Variants in TRIM16 observed in about 807,000 individuals in gnomAD.
TRIM16 encodes tripartite motif containing 16.
TRIM16 carries 33 observed loss-of-function variants against 50.4 expected under a neutral mutation model. The ratio of observed to expected loss-of-function variants is 0.65; its 90% confidence interval spans 0.50 to 0.88. The LOEUF (loss-of-function observed/expected upper bound fraction) is 0.88, where lower values mean the gene tolerates loss of function less well. Among genes scored for constraint, TRIM16 ranks in the 40% least tolerant of loss-of-function variants. The probability of loss-of-function intolerance (pLI) is 0.00; values close to 1 mark genes in which losing one functional copy is unlikely to be tolerated. For synonymous variants in TRIM16, 229 were observed against 270.7 expected (o/e 0.85, Z 1.51); for missense variants, 581 against 686.8 (o/e 0.85, Z 1.72).
At chr17:15,652,099 T>C (rs1332709810) in intron 6 of TRIM16, 153 bp from the exon 7 acceptor site, 2 of 365,318 alleles carry the variant, frequency 5.5e-6, no homozygotes, top group South Asian at 8.9e-5. Flanking sequence ...TCCCATCTCA[T>C]AGAACTGGAC....
intron 6 of TRIM16, 160 bp from the exon 7 acceptor site, chr17:15,652,106 G>T: frequency 6.4e-6 from 2 of 311,360 alleles, no homozygotes; most frequent in Non-Finnish European, 9.5e-6. Context: ...TCATAGAACT[G>T]GACATGAGGC....
rs1294631428 is a variant in TRIM16, at chr17:15,677,176, G to A, written c.-338C>T. The A allele has an allele frequency of 1.6e-5, 16 of 985,058 alleles. No individual in the cohort carries two copies. The highest frequency in any genetic ancestry group is 1.8e-5 in the African/African-American group (1 of 57,086). 61.0% of individuals were successfully genotyped at this position (985,058 alleles called of 1,614,324 possible). A position where few individuals can be genotyped will look rare whatever the true frequency, so the allele number is the denominator to read the frequency against. ...TGCAATCTGCCTTGTTCTCACTTACGTGTACCGCTGCTTCTTGGCACCTCT... is the reference window on the plus strand; with the variant it reads ...TGCAATCTGCCTTGTTCTCACTTACATGTACCGCTGCTTCTTGGCACCTCT... On this transcript the variant is annotated splice_region_variant and 5_prime_UTR_variant, in exon 6 of 12. The change creates a premature stop within an existing upstream ORF in the 5' untranslated region. Transcript: ENST00000649191.
chr17:15,664,829 C>T (rs1173306149), intron 6 of TRIM16, among the ~76,000 whole-genome samples: 4 of 151,694 alleles, frequency 2.6e-5, no homozygotes, highest in Non-Finnish European at 5.9e-5. Flanking sequence ...GAGATCAGTT[C>T]GAGATCAGCC....
intron 6 of TRIM16, among the ~76,000 whole-genome samples, chr17:15,676,550 C>A (rs558594655): frequency 6.6e-6 from 1 of 151,772 alleles, no homozygotes; most frequent in Admixed American, 6.6e-5. Flanking sequence ...ATTCTCCTGC[C>A]TCAACCTCCC....
In TRIM16 at chr17:15,665,550, T is replaced by C. The variant is rs566561738; in HGVS notation, c.-338+11626A>G. On this transcript the variant is annotated intron_variant, in intron 6 of 11. Transcript: ENST00000649191. ...AAAAAAATAAAGAAAGAAAACAACA[T>C]AATGTATCGGGAAACCAGATAATGA... 1.2e-3 allele frequency among the ~76,000 whole-genome samples: 177 copies of C among 151,570 alleles called. 1 individual carries two copies. Among genetic ancestry groups the C allele is most frequent in the East Asian group, 4.5e-3 (23 of 5,164 alleles).
intron 11 of TRIM16, among the ~76,000 whole-genome samples, chr17:15,630,870 T>C (rs1324381586): frequency 1.3e-5 from 2 of 151,148 alleles, no homozygotes; most frequent in African/African-American, 4.9e-5. Context: ...TATGTAAACA[T>C]ACAAAATATG....
At chr17:15,679,649 C>T (rs1255660648) in intron 4 of TRIM16, among the ~76,000 whole-genome samples, 1 of 152,088 alleles carries the variant, frequency 6.6e-6, no homozygotes, top group Admixed American at 6.5e-5. Context: ...AAGAAATAGG[C>T]CAAGCTGGCC....
Position 15,680,874 on chromosome 17 carries a change from T to G in TRIM16, c.-599A>C. On this transcript the variant is annotated 5_prime_UTR_variant, in exon 4 of 12. Transcript: ENST00000649191. ...AAAATCCCCAACTCACCTGGGACTCTGCTGTCCGGCAAAGAGCAGCCATAT... is the reference window on the plus strand; with the variant it reads ...AAAATCCCCAACTCACCTGGGACTCGGCTGTCCGGCAAAGAGCAGCCATAT... 1 of 1,545,730 alleles carries G rather than the reference T, an allele frequency of 6.5e-7. No homozygotes were observed. Among genetic ancestry groups the G allele is most frequent in the South Asian group, 1.2e-5 (1 of 82,518 alleles).
rs373588704 is a variant in TRIM16 at position 15,628,578 on chromosome 17, T to C, written c.*37A>G. On this transcript the variant is annotated 3_prime_UTR_variant, in exon 12 of 12. Transcript: ENST00000649191. ...CACCCTAAAATGCAAATCCCATCAC[T>C]GTAGCTGGCAAAGGTCTGGGATATG... The C allele has an allele frequency of 2.3e-4, 352 of 1,535,088 alleles. 2 individuals carry two copies. The African/African-American group carries it at 4.4e-3, about 19-fold the overall frequency.
At position 15,677,693 on chromosome 17, in the gene TRIM16, A is replaced by G. The variant is rs751716205; in HGVS notation, c.-561T>C. 23 of 1,011,534 alleles carry G rather than the reference A, an allele frequency of 2.3e-5. No homozygotes were observed. The highest frequency in any genetic ancestry group is 2.6e-5 in the Non-Finnish European group (22 of 842,896). The allele number at this position is 1,011,534 out of a possible 1,614,324, so 62.7% of individuals were successfully genotyped here. ...GTTCACAGCCACATCCTTGAATGAC[A>G]TAAAGCCCTGAAACACCTGCATGGG... On this transcript the variant is annotated 5_prime_UTR_variant, in exon 5 of 12. The change abolishes an upstream ATG in the 5' untranslated region. Coordinates refer to ENST00000649191, the MANE Select transcript of TRIM16 (RefSeq NM_001348119.1).
At chr17:15,678,099 G>A (rs141297866) in intron 4 of TRIM16, among the ~76,000 whole-genome samples, 2,096 of 151,972 alleles carry the variant, frequency 0.014, 50 homozygotes, top group African/African-American at 0.049. Flanking sequence ...GGCGCCTGTA[G>A]TCCCAGCTAT....
chr17:15,659,263 T>G (rs1304772893), intron 6 of TRIM16, among the ~76,000 whole-genome samples: 3 of 152,116 alleles, frequency 2.0e-5, no homozygotes, highest in Admixed American at 2.0e-4. Flanking sequence ...TCTCCGAAGG[T>G]CTAGTCCTGG....
At position 15,651,929 on chromosome 17, in the gene TRIM16, C is replaced by T. The variant is rs965830275; in HGVS notation, c.-320G>A. The T allele has an allele frequency of 8.6e-6, 11 of 1,275,360 alleles. No homozygotes were observed. Among genetic ancestry groups the T allele is most frequent in the East Asian group, 4.0e-5 (1 of 25,194 alleles). The allele number at this position is 1,275,360 out of a possible 1,614,324, so 79.0% of individuals were successfully genotyped here. On this transcript the variant is annotated 5_prime_UTR_variant, in exon 7 of 12. It adds an upstream start codon to the 5' untranslated region. Transcript: ENST00000649191. Reference sequence around the variant, plus strand: ...ACCCCATAGGCTCTGCTGAAGACCACGTGTCTCTGTGCCTGCTCTGGAAAG... The same window carrying T: ...ACCCCATAGGCTCTGCTGAAGACCATGTGTCTCTGTGCCTGCTCTGGAAAG...
intron 7 of TRIM16, among the ~76,000 whole-genome samples, chr17:15,648,151 G>A (rs1438966289): frequency 2.0e-5 from 3 of 151,694 alleles, no homozygotes; most frequent in African/African-American, 4.8e-5. Context: ...GCATGAACCC[G>A]GGAGGCAGAG....
At chr17:15,660,408 T>G (rs1422375929) in intron 6 of TRIM16, among the ~76,000 whole-genome samples, 3 of 152,142 alleles carry the variant, frequency 2.0e-5, no homozygotes, top group Non-Finnish European at 2.9e-5. Flanking sequence ...CCTAGGACAC[T>G]CATTTGCTCA....
Position 15,655,247 on chromosome 17 carries a change from T to A in TRIM16, c.-337-3301A>T, listed in dbSNP as rs1987919084. Among the ~76,000 whole-genome samples, 4 of 152,204 alleles carry A rather than the reference T, an allele frequency of 2.6e-5. No homozygotes were observed. The South Asian group carries it at 8.3e-4, about 31-fold the overall frequency. On this transcript the variant is annotated intron_variant, in intron 6 of 11. Transcript: ENST00000649191. ...CATACCATAGGGCCTCTGATCTCTC[T>A]GAGAATGGGGAAGAAAAGGTAGTTG... is the stretch of plus-strand genomic sequence containing the variant.
In TRIM16 at chr17:15,651,148, G is replaced by C. The variant is rs762748965; in HGVS notation, c.462C>G (p.Cys154Trp). ...PDQQCICQDC[C>W]QEHSGHTIVS... Reference sequence around the variant, plus strand: ...CTATGGTGTGGCCACTGTGCTCCTGGCAACAGTCCTGGCAGATGCACTGCT... The same window carrying C: ...CTATGGTGTGGCCACTGTGCTCCTGCCAACAGTCCTGGCAGATGCACTGCT... Residue 154 changes from cysteine to tryptophan, a missense_variant, in exon 7 of 12, where the codon TGC (cysteine) becomes TGG (tryptophan). By Grantham distance (215) the Cys-to-Trp change is radical. This residue lies in a region of TRIM16 where 450 missense variants were observed against 544.3 expected (regional missense o/e 0.83). Transcript: ENST00000649191. The C allele has an allele frequency of 5.0e-6, 8 of 1,614,156 alleles. No homozygotes were observed. Among genetic ancestry groups the C allele is most frequent in the Non-Finnish European group, 5.9e-6 (7 of 1,180,026 alleles).
At chr17:15,665,080 A>G (rs1328729473) in intron 6 of TRIM16, among the ~76,000 whole-genome samples, 1 of 151,676 alleles carries the variant, frequency 6.6e-6, no homozygotes, top group Non-Finnish European at 1.5e-5. Context: ...TGGTACTGTA[A>G]ACCACCTGCT....
At chr17:15,674,782 C>T (rs554532875) in intron 6 of TRIM16, among the ~76,000 whole-genome samples, 30 of 152,304 alleles carry the variant, frequency 2.0e-4, no homozygotes, top group African/African-American at 7.2e-4. Context: ...GAAATGTCAT[C>T]AGTCTTGACA....
Sources: gnomAD v4.1 joint callset for allele counts (sites outside exome capture counted in the v4.1 genomes callset) on GRCh38, gnomAD v4.1.1 for gene constraint, gnomAD v4.1.1 regional missense constraint, MANE v1.5 for transcripts, NCBI Gene and HGNC (gene_info 2026-07-23, HGNC 2026-07-21) for gene names.